PSG5: variants seen among roughly 807,000 people sequenced by gnomAD.
PSG5 encodes pregnancy specific beta-1-glycoprotein 5.
PSG5 carries 53 observed loss-of-function variants against 37.7 expected under a neutral mutation model. That is an observed-to-expected ratio of 1.41 (90% CI 1.13 to 1.77). The LOEUF (loss-of-function observed/expected upper bound fraction) is 1.77. Among genes scored for constraint, PSG5 ranks in the 40% most tolerant of loss-of-function variants. The probability of loss-of-function intolerance (pLI) is 0.00; values close to 1 mark genes in which losing one functional copy is unlikely to be tolerated. For synonymous variants in PSG5, 221 were observed against 155.4 expected (o/e 1.42, Z -3.14); for missense variants, 547 against 405.2 (o/e 1.35, Z -3.00).
chr19:43,185,242 A>C, intron 1 of PSG5, 95 bp from the exon 2 acceptor site: 1 of 1,406,262 alleles, frequency 7.1e-7, no homozygotes, highest in Non-Finnish European at 9.7e-7. Context: ...TTCAATCCTC[A>C]GCCTTGAAGA....
chr19:43,185,205 T>C, intron 1 of PSG5, 58 bp from the exon 2 acceptor site: 2 of 1,522,386 alleles, frequency 1.3e-6, no homozygotes, highest in Non-Finnish European at 1.8e-6. Context: ...GGTGAAAAGA[T>C]GGAGCCCTGG....
Position 43,183,142 on chromosome 19 carries a change from A to C in PSG5, c.430+1640T>G, listed in dbSNP as rs949529830. 5.2e-5 allele frequency: 13 copies of C among 252,364 alleles called. 1 individual carries two copies. Among genetic ancestry groups the C allele is most frequent in the African/African-American group, 7.0e-5 (3 of 42,600 alleles). The allele number at this position is 252,364 out of a possible 1,614,324, so 15.6% of individuals were successfully genotyped here. On this transcript the variant is annotated intron_variant, in intron 2 of 5. Coordinates refer to ENST00000342951, the MANE Select transcript of PSG5 (RefSeq NM_002781.4). ...ACACCATGGCAGTGAGCAGTGAGGGAGACACTGACTTCAGAGACCCCAGGG... is the reference window on the plus strand; with the variant it reads ...ACACCATGGCAGTGAGCAGTGAGGGCGACACTGACTTCAGAGACCCCAGGG...
chr19:43,170,567 T>C, intron 4 of PSG5: 1 of 382,090 alleles, frequency 2.6e-6, no homozygotes, highest in Non-Finnish European at 5.2e-6. Context: ...TTCACATTCA[T>C]CACCTCCTTT....
Position 43,178,757 on chromosome 19 carries a change from A to T in PSG5, c.431-2609T>A. 3.1e-6 allele frequency: 5 copies of T among 1,601,170 alleles called. 1 individual carries two copies. The highest frequency in any genetic ancestry group is 4.3e-6 in the Non-Finnish European group (5 of 1,170,078). ...TTGCCTGGGGCAGAAAGTCATGGCCAGCTTTGATGTCCAGGGGTAAAGGTC... is the reference window on the plus strand; with the variant it reads ...TTGCCTGGGGCAGAAAGTCATGGCCTGCTTTGATGTCCAGGGGTAAAGGTC... On this transcript the variant is annotated intron_variant, in intron 2 of 5. Coordinates refer to ENST00000342951, the MANE Select transcript of PSG5 (RefSeq NM_002781.4).
chr19:43,177,519 T>TA (rs1969036081), intron 2 of PSG5, among the ~76,000 whole-genome samples: 3 of 151,264 alleles, frequency 2.0e-5, no homozygotes, highest in South Asian at 2.1e-4. Flanking sequence ...TTTTTTTTTT[T>TA]ATCTCACCAC....
At position 43,176,030 on chromosome 19, in the gene PSG5, A is replaced by G. The variant is rs375332379; in HGVS notation, c.549T>C (p.Asn183=). Residue 183 remains asparagine (N), a synonymous_variant, in exon 3 of 6, where the codon AAT becomes AAC. Coordinates refer to ENST00000342951, the MANE Select transcript of PSG5 (RefSeq NM_002781.4). The part of the protein sequence containing the change: ...SENYTYIWWL[N]GQSLPVSPRV... The stretch of plus-strand genomic sequence containing the variant: ...TGGGACTGACCGGGAGGCTCTGACC[A>G]TTTAGCCACCAAATGTAGGTGTAGT... 90 of 1,611,008 alleles carry G rather than the reference A, an allele frequency of 5.6e-5. 3 individuals are homozygous for G. The highest frequency in any genetic ancestry group is 6.9e-5 in the Non-Finnish European group (81 of 1,179,196).
chr19:43,179,118 T>C, intron 2 of PSG5: 1 of 1,603,714 alleles, frequency 6.2e-7, no homozygotes, highest in Non-Finnish European at 8.5e-7. Context: ...CTCCCTGGGG[T>C]TTAAGTTGCT....
intron 2 of PSG5, among the ~76,000 whole-genome samples, chr19:43,181,321 C>T (rs1364619810): frequency 6.6e-6 from 1 of 151,646 alleles, no homozygotes; most frequent in African/African-American, 2.4e-5. Flanking sequence ...TGTGTTGTTC[C>T]ACTTTTTTTC....
At chr19:43,181,094 A>T (rs1328987173) in intron 2 of PSG5, among the ~76,000 whole-genome samples, 1 of 151,618 alleles carries the variant, frequency 6.6e-6, no homozygotes, top group Non-Finnish European at 1.5e-5. Flanking sequence ...CCCCACACGT[A>T]GAACTCCAAC....
intron 2 of PSG5, chr19:43,180,447 T>G (rs570641595): frequency 8.6e-5 from 13 of 151,828 alleles, no homozygotes; most frequent in African/African-American, 3.1e-4. Flanking sequence ...CAGTGAGCAC[T>G]TCTTTTTAAC....
chr19:43,172,296 G>A (rs533973926), intron 4 of PSG5, among the ~76,000 whole-genome samples: 1 of 151,706 alleles, frequency 6.6e-6, no homozygotes, highest in South Asian at 2.1e-4. Context: ...ACTCAACGGA[G>A]AAAGACTGAA....
chr19:43,178,867 G>A (rs778343740), intron 2 of PSG5: 1 of 1,612,934 alleles, frequency 6.2e-7, no homozygotes, highest in Non-Finnish European at 8.5e-7. Context: ...CAGAGGAACA[G>A]AGGATACTCA....
chr19:43,182,774 C>A (rs1257873509), intron 2 of PSG5, among the ~76,000 whole-genome samples: 1 of 138,850 alleles, frequency 7.2e-6, no homozygotes, highest in Non-Finnish European at 1.5e-5. Context: ...GATGGAGGAA[C>A]TGCCTATCCC....
intron 2 of PSG5, among the ~76,000 whole-genome samples, chr19:43,181,775 T>A (rs1375445360): frequency 6.6e-6 from 1 of 151,790 alleles, no homozygotes; most frequent in Non-Finnish European, 1.5e-5. Context: ...TTTTAATGAG[T>A]TGTTGACTTT....
In PSG5 at chr19:43,168,155, T is replaced by G. The variant is rs1376774385; in HGVS notation, c.*89A>C. The G allele has an allele frequency of 1.6e-5, 7 of 439,792 alleles. No homozygotes were observed. Among genetic ancestry groups the G allele is most frequent in the Non-Finnish European group, 2.9e-5 (7 of 245,210 alleles). 27.2% of individuals were successfully genotyped at this position (439,792 alleles called of 1,614,324 possible). The stretch of plus-strand genomic sequence containing the variant: ...AATCTCCTTGAAGAAAAAGCAATTT[T>G]GGACTGTAGGTGATTGTAAGTAGTT... On this transcript the variant is annotated 3_prime_UTR_variant, in exon 6 of 6. Transcript: ENST00000342951.
chr19:43,173,396 TTATC>T (rs1568548550), intron 4 of PSG5, among the ~76,000 whole-genome samples: 2 of 151,570 alleles, frequency 1.3e-5, no homozygotes, highest in African/African-American at 2.4e-5. Context: ...TCAAAGAACA[TTATC>T]AAGAAAGTAA....
chr19:43,171,576 A>G, intron 4 of PSG5: 1 of 445,276 alleles, frequency 2.2e-6, no homozygotes, highest in Non-Finnish European at 3.7e-6. Flanking sequence ...AATTAATGAA[A>G]CCAAAAGTTG....
rs1599757342 is a variant in PSG5 at position 43,185,177 on chromosome 19, T to C, written c.65-30A>G. Reference sequence around the variant, plus strand: ...GAGGTGGAGAAAGCACCAGTCAATATTGAGACCTGTGTATTGGGGTGAAAA... The same window carrying C: ...GAGGTGGAGAAAGCACCAGTCAATACTGAGACCTGTGTATTGGGGTGAAAA... On this transcript the variant is annotated intron_variant, in intron 1 of 5. Transcript: ENST00000342951. The C allele has an allele frequency of 5.1e-6, 8 of 1,573,330 alleles. No individual in the cohort carries two copies. The East Asian group carries it at 1.8e-4, about 35-fold the overall frequency.
rs1834660838 is a variant in PSG5, at chr19:43,186,433, G to C, written c.-28C>G. On this transcript the variant is annotated 5_prime_UTR_variant, in exon 1 of 6. Coordinates refer to ENST00000342951, the MANE Select transcript of PSG5 (RefSeq NM_002781.4). ...TCTCTGCGCCTGCGTGTTCTCCTCT[G>C]TGGAGCTGAGCCTAGGATCCAGAAA... 1 of 1,611,304 alleles carries C rather than the reference G, an allele frequency of 6.2e-7. No individual in the cohort carries two copies. The highest frequency in any genetic ancestry group is 1.3e-5 in the African/African-American group (1 of 74,560).
Sources: gnomAD v4.1 joint callset for allele counts (sites outside exome capture counted in the v4.1 genomes callset) on GRCh38, gnomAD v4.1.1 for gene constraint, MANE v1.5 for transcripts, NCBI Gene and HGNC (gene_info 2026-07-23, HGNC 2026-07-21) for gene names.